BCL11A: variants seen among roughly 807,000 people sequenced by gnomAD.
BCL11A encodes B cell CLL/lymphoma 11A.
BCL11A carries 2 observed loss-of-function variants against 55.9 expected under a neutral mutation model. That is an observed-to-expected ratio of 0.04 (90% CI 0.01 to 0.11). BCL11A has a LOEUF of 0.11. Among genes scored for constraint, BCL11A ranks in the 10% least tolerant of loss-of-function variants. BCL11A has a pLI of 1.00. For missense variants in BCL11A, 817 were observed against 1,137.1 expected (o/e 0.72, Z 4.05); for synonymous variants, 465 against 473.4 (o/e 0.98, Z 0.23).
At position 60,461,661 on chromosome 2, in the gene BCL11A, G is replaced by C. The variant is rs774158131; in HGVS notation, c.1251C>G (p.Ala417=). The C allele has an allele frequency of 6.2e-7, 1 of 1,613,986 alleles. No individual in the cohort carries two copies. The highest frequency in any genetic ancestry group is 1.7e-5 in the Admixed American group (1 of 60,034). ...CNLCDHACTQ[A]SKLKRHMKTH... is the part of the protein sequence containing the mutation. ...TCTTCATGTGGCGCTTCAGCTTGCTGGCCTGGGTGCACGCGTGGTCGCACA... is the reference window on the plus strand; with the variant it reads ...TCTTCATGTGGCGCTTCAGCTTGCTCGCCTGGGTGCACGCGTGGTCGCACA... Residue 417 remains alanine (A), a synonymous_variant, in exon 4 of 4, where the codon GCC becomes GCG. Transcript: ENST00000642384.
At chr2:60,534,543 T>C (rs1669589132) in intron 2 of BCL11A, 1 of 152,262 alleles carries the variant, frequency 6.6e-6, no homozygotes, top group Non-Finnish European at 1.5e-5. Context: ...TATTTCTCTA[T>C]GTATCTGGAA....
intron 3 of BCL11A, among the ~76,000 whole-genome samples, chr2:60,467,129 A>ATGGTGGTGGTGGTAG (rs1211602201): frequency 2.8e-5 from 2 of 70,690 alleles, no homozygotes; most frequent in Non-Finnish European, 3.0e-5. Flanking sequence ...GGTGGTGGTG[A>ATGGTGGTGGTGGTAG]TGGTGGTGTT....
At chr2:60,549,701 C>T (rs1670315226) in intron 1 of BCL11A, 1 of 152,266 alleles carries the variant, frequency 6.6e-6, no homozygotes, top group African/African-American at 2.4e-5. Flanking sequence ...CCAGCTCGGC[C>T]GCGGGGTGAC....
At chr2:60,549,556 C>T (rs1670306703) in intron 1 of BCL11A, among the ~76,000 whole-genome samples, 1 of 152,182 alleles carries the variant, frequency 6.6e-6, no homozygotes, top group Non-Finnish European at 1.5e-5. Flanking sequence ...AAGCGAGCAG[C>T]GTGCTGGCTG....
chr2:60,541,881 A>G (rs1669939803), intron 2 of BCL11A: 1 of 703,944 alleles, frequency 1.4e-6, no homozygotes, highest in Non-Finnish European at 2.6e-6. Context: ...CTCATTTACA[A>G]TTACACCATA....
intron 2 of BCL11A, chr2:60,525,836 TC>T (rs1242418784): frequency 1.3e-5 from 2 of 152,080 alleles, no homozygotes; most frequent in East Asian, 1.9e-4. Context: ...TTAAATGCCC[TC>T]CCCCCAAACC....
chr2:60,521,309 C>T (rs780736596), intron 2 of BCL11A, among the ~76,000 whole-genome samples: 12 of 152,214 alleles, frequency 7.9e-5, no homozygotes, highest in Non-Finnish European at 1.5e-4. Flanking sequence ...TAATAATAGC[C>T]TCTGTGTGAA....
At chr2:60,468,222 T>C (rs1057122422) in intron 3 of BCL11A, among the ~76,000 whole-genome samples, 1 of 152,012 alleles carries the variant, frequency 6.6e-6, no homozygotes, top group Non-Finnish European at 1.5e-5. Context: ...GGAGAAAAAT[T>C]AGTCAAAATT....
chr2:60,473,310 G>A (rs780555910), intron 2 of BCL11A, among the ~76,000 whole-genome samples: 9 of 150,510 alleles, frequency 6.0e-5, no homozygotes, highest in Non-Finnish European at 1.2e-4. Context: ...GGGCTATCTC[G>A]TGACACTGTG....
chr2:60,471,037 T>C (rs146296825), intron 2 of BCL11A, among the ~76,000 whole-genome samples: 179 of 152,312 alleles, frequency 1.2e-3, no homozygotes, highest in African/African-American at 3.8e-3. Context: ...TGGTCTTCAC[T>C]GCCCAACAAG....
chr2:60,553,807 C>T (rs1374869338), upstream of BCL11A: 11 of 96,502 alleles, frequency 1.1e-4, no homozygotes, highest in Non-Finnish European at 1.8e-4. Flanking sequence ...CGGGGGGCTC[C>T]GCGGACGCCA....
At chr2:60,549,981 C>G (rs947978125) in intron 1 of BCL11A, 2 of 152,218 alleles carry the variant, frequency 1.3e-5, no homozygotes, top group African/African-American at 4.8e-5. Flanking sequence ...ATAACTATTA[C>G]TATTGTTGTG....
chr2:60,480,942 A>C (rs1291739592), intron 2 of BCL11A, among the ~76,000 whole-genome samples: 1 of 152,196 alleles, frequency 6.6e-6, no homozygotes, highest in Non-Finnish European at 1.5e-5. Flanking sequence ...ATAGTTCTAA[A>C]TAGTTTTTGC....
intron 2 of BCL11A, among the ~76,000 whole-genome samples, chr2:60,509,660 A>C (rs187411950): frequency 1.2e-4 from 19 of 152,322 alleles, no homozygotes; most frequent in African/African-American, 4.6e-4. Flanking sequence ...CAGAGAAGGA[A>C]AAAGAACAAA....
chr2:60,553,642 G>T lies in BCL11A; in HGVS notation c.-372C>A. ...TGCGAACTTGAACGTCAGGAGTCTG[G>T]ATGGACAGAGACACACAAAACATGG... On this transcript the variant is annotated 5_prime_UTR_variant, in exon 1 of 4. Transcript: ENST00000642384. 1 of 316,426 alleles carries T rather than the reference G, an allele frequency of 3.2e-6. No homozygotes were observed. Among genetic ancestry groups the T allele is most frequent in the Non-Finnish European group, 5.7e-6 (1 of 176,476 alleles). 19.6% of individuals were successfully genotyped at this position (316,426 alleles called of 1,614,324 possible).
intron 3 of BCL11A, among the ~76,000 whole-genome samples, chr2:60,464,710 A>G (rs565767683): frequency 1.1e-4 from 16 of 152,372 alleles, no homozygotes; most frequent in African/African-American, 3.8e-4. Flanking sequence ...ACAGCACTAC[A>G]TCAAGGATCT....
chr2:60,532,237 C>T (rs938520308), intron 2 of BCL11A, among the ~76,000 whole-genome samples: 1 of 151,938 alleles, frequency 6.6e-6, no homozygotes, highest in African/African-American at 2.4e-5. Flanking sequence ...TTTTGCATTT[C>T]AAGGCACAAA....
At chr2:60,488,097 A>C (rs1420611250) in intron 2 of BCL11A, among the ~76,000 whole-genome samples, 2 of 152,220 alleles carry the variant, frequency 1.3e-5, no homozygotes, top group African/African-American at 4.8e-5. Flanking sequence ...CTTACAATTT[A>C]TTCTCATTAT....
intron 2 of BCL11A, chr2:60,543,377 T>C (rs1284433667): frequency 6.6e-6 from 1 of 152,242 alleles, no homozygotes; most frequent in Non-Finnish European, 1.5e-5. Flanking sequence ...TTGCTTCTCC[T>C]TTCTTTTTGT....
Sources: gnomAD v4.1 joint callset for allele counts (sites outside exome capture counted in the v4.1 genomes callset) on GRCh38, gnomAD v4.1.1 for gene constraint, MANE v1.5 for transcripts, NCBI Gene and HGNC (gene_info 2026-07-23, HGNC 2026-07-21) for gene names.